HS6ST3: variants seen among roughly 807,000 people sequenced by gnomAD.
The protein encoded by HS6ST3 is heparan sulfate 6-O-sulfotransferase 3, also known as heparan-sulfate 6-O-sulfotransferase 3.
Under a neutral mutation model 36.7 loss-of-function variants are expected in HS6ST3, and 12 were observed. That is an observed-to-expected ratio of 0.33 (90% confidence interval 0.21 to 0.53). The LOEUF is 0.53. Among genes scored for constraint, HS6ST3 ranks in the 20% least tolerant of loss-of-function variants. The pLI, the probability that HS6ST3 is intolerant of heterozygous loss-of-function variation, is 0.95. For synonymous variants in HS6ST3, 240 were observed against 257.5 expected (o/e 0.93, Z 0.65); for missense variants, 584 against 640.9 (o/e 0.91, Z 0.96).
chr13:96,348,963 A>G (rs1262803568), intron 1 of HS6ST3, among the ~76,000 whole-genome samples: 1 of 152,238 alleles, frequency 6.6e-6, no homozygotes, highest in Non-Finnish European at 1.5e-5. Flanking sequence ...CAATAGGGAA[A>G]GAGATTTAAA....
intron 1 of HS6ST3, among the ~76,000 whole-genome samples, chr13:96,797,324 C>CTAAGCACT (rs1877938639): frequency 1.3e-5 from 2 of 152,046 alleles, no homozygotes; most frequent in Admixed American, 1.3e-4. Flanking sequence ...CGGGGTCCTG[C>CTAAGCACT]TCAGAGTTCT....
chr13:96,556,301 A>G (rs1200681333), intron 1 of HS6ST3, among the ~76,000 whole-genome samples: 2 of 152,202 alleles, frequency 1.3e-5, no homozygotes, highest in African/African-American at 4.8e-5. Context: ...TTCTGTATTT[A>G]TACGACTTAA....
At chr13:96,829,482 AC>A (rs1402066858) in intron 1 of HS6ST3, among the ~76,000 whole-genome samples, 2 of 151,334 alleles carry the variant, frequency 1.3e-5, no homozygotes, top group East Asian at 3.9e-4. Flanking sequence ...CCCTCCTCGC[AC>A]CCCCCAACTT....
rs1339637754 is a variant in HS6ST3, at chr13:96,831,980, A to AAAAC, written c.708-510_708-509insAAAC. Among the ~76,000 whole-genome samples, 70 of 142,000 alleles carry AAAAC rather than the reference A, an allele frequency of 4.9e-4. 1 individual carries two copies. The highest frequency in any genetic ancestry group is 1.8e-3 in the African/African-American group (68 of 38,442). 93.2% of individuals were successfully genotyped at this position (142,000 alleles called of 152,430 possible). ...AAAAAAAAAAAAAAAAAAAAAAAAA[A>AAAAC]CAGAGATTAAGGAGAATACATGTTC... is the stretch of plus-strand genomic sequence containing the variant. On this transcript the variant is annotated intron_variant, in intron 1 of 1. Transcript: ENST00000376705.
intron 1 of HS6ST3, among the ~76,000 whole-genome samples, chr13:96,183,911 G>A (rs974633199): frequency 1.3e-5 from 2 of 152,018 alleles, no homozygotes; most frequent in African/African-American, 2.4e-5. Context: ...ACTTAGAAAC[G>A]GTTAAGATGG....
At chr13:96,796,876 A>G (rs942187626) in intron 1 of HS6ST3, among the ~76,000 whole-genome samples, 2 of 152,064 alleles carry the variant, frequency 1.3e-5, no homozygotes, top group African/African-American at 4.8e-5. Context: ...GTAGGGGACT[A>G]TCGATCAGGC....
chr13:96,503,035 A>G (rs753141505), intron 1 of HS6ST3, among the ~76,000 whole-genome samples: 16 of 152,198 alleles, frequency 1.1e-4, no homozygotes, highest in Non-Finnish European at 2.1e-4. Flanking sequence ...TTCACTGTCT[A>G]TGCTCACTAA....
At chr13:96,806,137 T>C (rs1388073453) in intron 1 of HS6ST3, among the ~76,000 whole-genome samples, 1 of 152,246 alleles carries the variant, frequency 6.6e-6, no homozygotes, top group African/African-American at 2.4e-5. Context: ...ATTGATTCTA[T>C]CTTATCAATG....
intron 1 of HS6ST3, among the ~76,000 whole-genome samples, chr13:96,555,168 G>C (rs2056235789): frequency 1.3e-5 from 2 of 152,074 alleles, no homozygotes; most frequent in Admixed American, 1.3e-4. Flanking sequence ...AAATTGCTAA[G>C]AGAGTAGATT....
chr13:96,146,409 T>G (rs2054058526), intron 1 of HS6ST3, among the ~76,000 whole-genome samples: 1 of 152,210 alleles, frequency 6.6e-6, no homozygotes, highest in African/African-American at 2.4e-5. Context: ...TTTATTCTCT[T>G]TGAAGCAATT....
intron 1 of HS6ST3, among the ~76,000 whole-genome samples, chr13:96,307,493 C>T (rs934942081): frequency 7.2e-5 from 11 of 151,760 alleles, no homozygotes; most frequent in Middle Eastern, 3.4e-3. Context: ...AAAAAACTGC[C>T]GAGGTATATT....
intron 1 of HS6ST3, among the ~76,000 whole-genome samples, chr13:96,347,435 G>T (rs918270890): frequency 6.6e-6 from 1 of 152,146 alleles, no homozygotes; most frequent in African/African-American, 2.4e-5. Flanking sequence ...CTCAGTCATT[G>T]TTCAGAAAAT....
chr13:96,617,538 C>G (rs1468091082), intron 1 of HS6ST3, among the ~76,000 whole-genome samples: 2 of 152,202 alleles, frequency 1.3e-5, no homozygotes, highest in African/African-American at 2.4e-5. Flanking sequence ...CCAGCTGTTG[C>G]TAATCCAGTC....
At chr13:96,122,920 T>C (rs1001589517) in intron 1 of HS6ST3, among the ~76,000 whole-genome samples, 4 of 152,122 alleles carry the variant, frequency 2.6e-5, no homozygotes, top group African/African-American at 9.7e-5. Flanking sequence ...TTGGGTTTTG[T>C]CTGTATTTTT....
chr13:96,426,329 A>T (rs1221414571), intron 1 of HS6ST3, among the ~76,000 whole-genome samples: 1 of 152,178 alleles, frequency 6.6e-6, no homozygotes, highest in Non-Finnish European at 1.5e-5. Flanking sequence ...CAAAGTGCCT[A>T]CTTACACACT....
At chr13:96,351,764 C>G (rs962674150) in intron 1 of HS6ST3, among the ~76,000 whole-genome samples, 7 of 152,054 alleles carry the variant, frequency 4.6e-5, no homozygotes, top group Admixed American at 3.9e-4. Context: ...AAAGAAATAG[C>G]TATAAAATGG....
At chr13:96,691,030 A>G (rs671556) in intron 1 of HS6ST3, among the ~76,000 whole-genome samples, 149,990 of 152,270 alleles carry the variant, frequency 0.99, 73,909 homozygotes, top group Middle Eastern at 1. Context: ...AACTATTACT[A>G]TGTCTGCACA....
chr13:96,344,472 A>G (rs2055144319), intron 1 of HS6ST3, among the ~76,000 whole-genome samples: 1 of 152,198 alleles, frequency 6.6e-6, no homozygotes, highest in Non-Finnish European at 1.5e-5. Flanking sequence ...CCAAACTTAC[A>G]ATCTTTGTAT....
chr13:96,331,659 G>A (rs867607951), intron 1 of HS6ST3, among the ~76,000 whole-genome samples: 1,743 of 152,310 alleles, frequency 0.011, 36 homozygotes, highest in African/African-American at 0.04. Flanking sequence ...GCCCCCAGAG[G>A]TGGAGCCTAC....
Sources: allele counts gnomAD v4.1 joint callset (sites outside exome capture counted in the v4.1 genomes callset), GRCh38; gene constraint gnomAD v4.1.1; transcripts MANE v1.5; gene names NCBI Gene and HGNC (gene_info 2026-07-23, HGNC 2026-07-21).